Variants in GLDN observed in about 807,000 individuals in gnomAD.
The protein encoded by GLDN is collomin.
GLDN carries 47 observed loss-of-function variants against 56.5 expected under a neutral mutation model. The observed-to-expected ratio is 0.83, with a 90% CI of 0.66 to 1.06. The LOEUF is 1.06. Among genes scored for constraint, GLDN ranks in the 50% least tolerant of loss-of-function variants. GLDN has a pLI of 0.00. For missense variants in GLDN, 782 were observed against 714.3 expected (o/e 1.09, Z -1.08); for synonymous variants, 332 against 278.8 (o/e 1.19, Z -1.90).
chr15:51,381,207 A>T (rs1023059323), intron 2 of GLDN, among the ~76,000 whole-genome samples: 10 of 152,190 alleles, frequency 6.6e-5, no homozygotes, highest in Non-Finnish European at 1.3e-4. Flanking sequence ...CACCAACAGT[A>T]CTGATGCATG....
At chr15:51,346,528 C>T (rs1280373700) in intron 1 of GLDN, among the ~76,000 whole-genome samples, 1 of 152,158 alleles carries the variant, frequency 6.6e-6, no homozygotes, top group Non-Finnish European at 1.5e-5. Flanking sequence ...ATGTGTATAA[C>T]AAGCTCTAAA....
intron 4 of GLDN, chr15:51,385,157 A>T (rs1477178997): frequency 2.0e-5 from 3 of 152,216 alleles, no homozygotes; most frequent in African/African-American, 7.2e-5. Context: ...AATTATAATT[A>T]TACATGAGCA....
chr15:51,404,847 A>T lies in GLDN; in HGVS notation c.*93A>T, dbSNP rs918745060. ...AACTTGTTTTTTTAACGTCAGCCAG[A>T]TATTTAGAAAATAACCTCAAAAGTG... On this transcript the variant is annotated 3_prime_UTR_variant, in exon 10 of 10. Transcript: ENST00000335449. 4.3e-6 allele frequency: 3 copies of T among 699,354 alleles called. No homozygotes were observed. The highest frequency in any genetic ancestry group is 7.5e-6 in the Non-Finnish European group (3 of 397,670). 43.3% of individuals were successfully genotyped at this position (699,354 alleles called of 1,614,324 possible).
intron 1 of GLDN, among the ~76,000 whole-genome samples, chr15:51,362,314 G>A (rs959972105): frequency 6.6e-5 from 10 of 151,496 alleles, no homozygotes; most frequent in Admixed American, 2.0e-4. Flanking sequence ...GAGAAACTCC[G>A]TCTCTACCAA....
chr15:51,355,821 C>T (rs1392935941), intron 1 of GLDN, among the ~76,000 whole-genome samples: 1 of 150,832 alleles, frequency 6.6e-6, no homozygotes, highest in Non-Finnish European at 1.5e-5. Context: ...CCACACCCGG[C>T]CCTACTGCAT....
At position 51,406,360 on chromosome 15, in the gene GLDN, C is replaced by A. The variant is rs2038383662; in HGVS notation, c.*1606C>A. The A allele has an allele frequency of 6.6e-6, 1 of 152,200 alleles. No homozygotes were observed. The allele number at this position is 152,200 out of a possible 1,614,324, so 9.4% of individuals were successfully genotyped here. ...GAGGAAGCTGGAAAAGTTCCTGGGG[C>A]TCTGCAGCCAGGAAGGGGAACCAGG... is the stretch of plus-strand genomic sequence containing the variant. On this transcript the variant is annotated 3_prime_UTR_variant, in exon 10 of 10. Coordinates refer to ENST00000335449, the MANE Select transcript of GLDN (RefSeq NM_181789.4).
At chr15:51,359,461 A>G (rs757339797) in intron 1 of GLDN, among the ~76,000 whole-genome samples, 31 of 152,206 alleles carry the variant, frequency 2.0e-4, no homozygotes, top group Non-Finnish European at 3.5e-4. Flanking sequence ...AAGAAAGGGA[A>G]CAATTCCCCA....
downstream of GLDN, among the ~76,000 whole-genome samples, chr15:51,412,725 TTGAGA>T (rs2038479860): frequency 6.6e-6 from 1 of 152,208 alleles, no homozygotes; most frequent in Non-Finnish European, 1.5e-5. Context: ...TGCCTTTTAA[TTGAGA>T]TATTTAGACC....
rs2038416820 is a variant in GLDN at position 51,407,796 on chromosome 15, T to C, written c.*3042T>C. 6.6e-6 allele frequency: 1 copy of C among 152,250 alleles called. No individual in the cohort carries two copies. The highest frequency in any genetic ancestry group is 2.1e-4 in the South Asian group (1 of 4,834). The allele number at this position is 152,250 out of a possible 1,614,324, so 9.4% of individuals were successfully genotyped here. A position where few individuals can be genotyped will look rare whatever the true frequency, so the allele number is the denominator to read the frequency against. On this transcript the variant is annotated 3_prime_UTR_variant, in exon 10 of 10. Transcript: ENST00000335449. ...ATCTTCCAACCACACAGAGGACGTT[T>C]TGGCTATGATCATCTGATGGCAAGT... is the stretch of plus-strand genomic sequence containing the variant.
At chr15:51,374,056 T>A (rs1471867657) in intron 1 of GLDN, among the ~76,000 whole-genome samples, 2 of 152,234 alleles carry the variant, frequency 1.3e-5, no homozygotes, top group African/African-American at 4.8e-5. Context: ...GTTAAAAGAC[T>A]ATTCTTGAGT....
At position 51,404,825 on chromosome 15, in the gene GLDN, T is replaced by C. The variant is rs1368792325; in HGVS notation, c.*71T>C. The C allele has an allele frequency of 1.3e-6, 1 of 792,762 alleles. No individual in the cohort carries two copies. Among genetic ancestry groups the C allele is most frequent in the African/African-American group, 1.7e-5 (1 of 57,960 alleles). 49.1% of individuals were successfully genotyped at this position (792,762 alleles called of 1,614,324 possible). Reference sequence around the variant, plus strand: ...GACCAGTTCTCCCCCAACAGGAAACTTGTTTTTTTAACGTCAGCCAGATAT... The same window carrying C: ...GACCAGTTCTCCCCCAACAGGAAACCTGTTTTTTTAACGTCAGCCAGATAT... On this transcript the variant is annotated 3_prime_UTR_variant, in exon 10 of 10. Coordinates refer to ENST00000335449, the MANE Select transcript of GLDN (RefSeq NM_181789.4).
At position 51,383,463 on chromosome 15, in the gene GLDN, C is replaced by T. The variant is rs2037813123; in HGVS notation, c.433+10C>T. On this transcript the variant is annotated intron_variant, in intron 3 of 9. Transcript: ENST00000335449. The stretch of plus-strand genomic sequence containing the variant: ...CCTTCTGGACCACCAGGTAAGAGCC[C>T]ATGGATTTTCTAGTTCAAGGGGAGG... The T allele has an allele frequency of 2.5e-6, 4 of 1,613,654 alleles. No individual in the cohort carries two copies. Among genetic ancestry groups the T allele is most frequent in the East Asian group, 2.2e-5 (1 of 44,892 alleles).
intron 1 of GLDN, among the ~76,000 whole-genome samples, chr15:51,359,183 G>A (rs2037243954): frequency 6.6e-6 from 1 of 152,178 alleles, no homozygotes; most frequent in Non-Finnish European, 1.5e-5. Context: ...GGAGACTTTG[G>A]CCCAGCACGA....
chr15:51,350,854 A>G (rs1465068646), intron 1 of GLDN, among the ~76,000 whole-genome samples: 1 of 152,182 alleles, frequency 6.6e-6, no homozygotes, highest in African/African-American at 2.4e-5. Context: ...GTGTTGACCA[A>G]ATGAATGGCA....
At chr15:51,411,860 G>A (rs2038468867), downstream of GLDN, among the ~76,000 whole-genome samples, 1 of 152,126 alleles carries the variant, frequency 6.6e-6, no homozygotes, top group Non-Finnish European at 1.5e-5. Context: ...CCACCCCCTG[G>A]GATAATCATG....
intron 1 of GLDN, among the ~76,000 whole-genome samples, chr15:51,357,359 C>A (rs547642234): frequency 6.6e-6 from 1 of 152,200 alleles, no homozygotes; most frequent in African/African-American, 2.4e-5. Flanking sequence ...GAAGACTTCT[C>A]GTCTCATTTC....
At chr15:51,402,253 A>G (rs2038270891) in intron 9 of GLDN, among the ~76,000 whole-genome samples, 1 of 152,162 alleles carries the variant, frequency 6.6e-6, no homozygotes, top group African/African-American at 2.4e-5. Flanking sequence ...GCTCTCCCAT[A>G]GGGAAGGGAG....
In GLDN at chr15:51,394,885, C is replaced by G. The variant is rs1354836097; in HGVS notation, c.592C>G (p.His198Asp). The change falls in exon 5 of 10, where the codon CAT becomes GAT. Residue 198 changes from histidine (H) to aspartate (D), a missense_variant. Coordinates refer to ENST00000335449, the MANE Select transcript of GLDN (RefSeq NM_181789.4). ...AGGGGAAAGGGGAGAAAAGGGAGAC[C>G]ATGGTGAACTGGGCCTGCAGGGAAA... is the stretch of plus-strand genomic sequence containing the variant. ...NPGERGEKGD[H>D]GELGLQGNEG... The G allele has an allele frequency of 1.2e-6, 2 of 1,613,378 alleles. No individual in the cohort carries two copies. Among genetic ancestry groups the G allele is most frequent in the African/African-American group, 2.7e-5 (2 of 74,866 alleles).
intron 1 of GLDN, among the ~76,000 whole-genome samples, chr15:51,374,736 C>CTTTTTTTTTTT (rs71297688): frequency 9.1e-6 from 1 of 110,260 alleles, no homozygotes; most frequent in African/African-American, 3.2e-5. Context: ...CTTTCTTTTC[C>CTTTTTTTTTTT]TTTTTTTTTT....
Sources: allele counts gnomAD v4.1 joint callset (sites outside exome capture counted in the v4.1 genomes callset), GRCh38; gene constraint gnomAD v4.1.1; transcripts MANE v1.5; gene names NCBI Gene and HGNC (gene_info 2026-07-23, HGNC 2026-07-21).